The following ERBB4 variants were observed in gnomAD, a reference collection of about 807,000 sequenced individuals.
ERBB4 encodes the protein receptor tyrosine-protein kinase erbB-4.
Under a neutral mutation model 158.0 loss-of-function variants are expected in ERBB4, and 42 were observed. That is an observed-to-expected ratio of 0.27 (90% CI 0.21 to 0.34). The LOEUF is 0.34. Among genes scored for constraint, ERBB4 ranks in the 10% least tolerant of loss-of-function variants. The pLI is 1.00. For synonymous variants in ERBB4, 583 were observed against 558.7 expected (o/e 1.04, Z -0.61); for missense variants, 1,333 against 1,624.1 (o/e 0.82, Z 3.08).
chr2:211,816,124 C>T (rs1409697768), intron 3 of ERBB4, among the ~76,000 whole-genome samples: 1 of 152,162 alleles, frequency 6.6e-6, no homozygotes, highest in South Asian at 2.1e-4. Flanking sequence ...AGCCAATTCT[C>T]CCTAATAAAC....
intron 3 of ERBB4, among the ~76,000 whole-genome samples, chr2:211,906,129 T>C (rs1289091013): frequency 6.6e-6 from 1 of 151,964 alleles, no homozygotes. Context: ...AAATAGACTG[T>C]TGGAAGGCAA....
chr2:212,202,547 C>G (rs12469199), intron 1 of ERBB4, among the ~76,000 whole-genome samples: 7,955 of 151,910 alleles, frequency 0.052, 412 homozygotes, highest in South Asian at 0.21. Flanking sequence ...CGCCATGTTG[C>G]CCAAGCTGGT....
chr2:211,404,035 G>A (rs1027115231), intron 25 of ERBB4, among the ~76,000 whole-genome samples: 4 of 151,980 alleles, frequency 2.6e-5, no homozygotes, highest in Middle Eastern at 3.2e-3. Context: ...TAGTATTTAC[G>A]TAATTATGTA....
At chr2:211,853,208 G>T (rs1392930972) in intron 3 of ERBB4, among the ~76,000 whole-genome samples, 1 of 151,754 alleles carries the variant, frequency 6.6e-6, no homozygotes, top group Non-Finnish European at 1.5e-5. Flanking sequence ...GCATAATTGT[G>T]TGAAAGAGAC....
At chr2:212,432,740 A>T (rs898103018) in intron 1 of ERBB4, among the ~76,000 whole-genome samples, 8 of 152,134 alleles carry the variant, frequency 5.3e-5, no homozygotes, top group Non-Finnish European at 1.2e-4. Flanking sequence ...TTAATAACCC[A>T]CAGAAGTTGT....
intron 1 of ERBB4, among the ~76,000 whole-genome samples, chr2:212,161,473 T>A (rs1399839362): frequency 1.3e-5 from 2 of 151,878 alleles, no homozygotes; most frequent in Admixed American, 1.3e-4. Context: ...GATGCAGATA[T>A]AATGATTAAA....
intron 19 of ERBB4, among the ~76,000 whole-genome samples, chr2:211,570,195 A>T (rs2067673623): frequency 6.6e-6 from 1 of 152,058 alleles, no homozygotes; most frequent in Non-Finnish European, 1.5e-5. Context: ...TCTATTGCCC[A>T]GGCTAGAGTG....
At position 211,713,654 on chromosome 2, in the gene ERBB4, T is replaced by TAA. The variant is rs67894136; in HGVS notation, c.884-8_884-7dup. On this transcript the variant is annotated splice_polypyrimidine_tract_variant and splice_region_variant and intron_variant, in intron 7 of 27. Transcript: ENST00000342788. ...GGAATCTACCACAAAGTTATCTGAT[T>TAA]AAAAAAAAAAAAAAGGTAAAATAAG... is the stretch of plus-strand genomic sequence containing the variant. The TAA allele has an allele frequency of 2.7e-4, 335 of 1,246,148 alleles. No individual in the cohort carries two copies. The highest frequency in any genetic ancestry group is 3.2e-4 in the Non-Finnish European group (284 of 876,546). The allele number at this position is 1,246,148 out of a possible 1,614,324, so 77.2% of individuals were successfully genotyped here.
chr2:211,964,744 A>G (rs2125184306), intron 2 of ERBB4, among the ~76,000 whole-genome samples: 1 of 152,308 alleles, frequency 6.6e-6, no homozygotes, highest in Middle Eastern at 3.4e-3. Context: ...GTGTACAAAA[A>G]GATAGATAAA....
At chr2:212,252,090 T>C (rs183502892) in intron 1 of ERBB4, among the ~76,000 whole-genome samples, 2 of 152,006 alleles carry the variant, frequency 1.3e-5, no homozygotes. Context: ...AGGGCAGTGA[T>C]GAGAAAAGGT....
intron 3 of ERBB4, among the ~76,000 whole-genome samples, chr2:211,853,580 G>C (rs944373456): frequency 1.3e-5 from 2 of 152,014 alleles, no homozygotes; most frequent in Admixed American, 1.3e-4. Flanking sequence ...ACACACTCTT[G>C]AGTGATATGG....
In ERBB4 at chr2:212,446,576, C is replaced by A; in HGVS notation, c.82+91873G>T. On this transcript the variant is annotated intron_variant, in intron 1 of 27. Transcript: ENST00000342788. ...CATGTAAGTTAATACTTAATAAACT[C>A]CCATATATATATATGTATATATATA... 9.2e-5 allele frequency among the ~76,000 whole-genome samples: 4 copies of A among 43,498 alleles called. 1 individual carries two copies. Among genetic ancestry groups the A allele is most frequent in the African/African-American group, 2.7e-4 (4 of 14,920 alleles). 28.5% of individuals were successfully genotyped at this position (43,498 alleles called of 152,430 possible). A position where few individuals can be genotyped will look rare whatever the true frequency, so the allele number is the denominator to read the frequency against.
chr2:211,774,285 T>A (rs949299588), intron 4 of ERBB4, among the ~76,000 whole-genome samples: 2 of 152,076 alleles, frequency 1.3e-5, no homozygotes, highest in African/African-American at 4.8e-5. Context: ...TTGGCCAGGC[T>A]GGTTTTGAAC....
In ERBB4 at chr2:211,376,956, C is replaced by T. The variant is rs2062484968; in HGVS notation, c.*6659G>A. On this transcript the variant is annotated 3_prime_UTR_variant, in exon 28 of 28. Coordinates refer to ENST00000342788, the MANE Select transcript of ERBB4 (RefSeq NM_005235.3). ...CACAGCTGCTCCGTTTAATAATCGA[C>T]CCATTTAACAGCAGTACCAGTTTAT... is the stretch of plus-strand genomic sequence containing the variant. 4.3e-6 allele frequency: 1 copy of T among 233,186 alleles called. No homozygotes were observed. The highest frequency in any genetic ancestry group is 8.5e-6 in the Non-Finnish European group (1 of 117,720). 14.4% of individuals were successfully genotyped at this position (233,186 alleles called of 1,614,324 possible). A position where few individuals can be genotyped will look rare whatever the true frequency, so the allele number is the denominator to read the frequency against.
chr2:211,916,849 TTTC>T (rs1444987648), intron 3 of ERBB4, among the ~76,000 whole-genome samples: 3 of 152,186 alleles, frequency 2.0e-5, no homozygotes, highest in Non-Finnish European at 4.4e-5. Context: ...AAATACATAT[TTTC>T]TTCTTAAGAA....
intron 3 of ERBB4, among the ~76,000 whole-genome samples, chr2:211,878,225 C>T (rs2078563718): frequency 6.6e-6 from 1 of 152,164 alleles, no homozygotes; most frequent in South Asian, 2.1e-4. Context: ...AAACAGTTCT[C>T]ATTAGAGTCA....
chr2:211,938,602 T>C (rs1241552321), intron 3 of ERBB4, among the ~76,000 whole-genome samples: 1 of 152,176 alleles, frequency 6.6e-6, no homozygotes, highest in Non-Finnish European at 1.5e-5. Flanking sequence ...GTGGCACATA[T>C]TGAATATTGC....
intron 1 of ERBB4, among the ~76,000 whole-genome samples, chr2:212,454,122 G>C (rs1339354612): frequency 4.6e-5 from 7 of 151,636 alleles, no homozygotes; most frequent in Non-Finnish European, 1.5e-5. Context: ...TGTATTTTTA[G>C]TAGAGATGGG....
chr2:211,938,876 A>G (rs966093814), intron 3 of ERBB4, among the ~76,000 whole-genome samples: 1 of 152,162 alleles, frequency 6.6e-6, no homozygotes, highest in African/African-American at 2.4e-5. Flanking sequence ...AAAGAATCCT[A>G]AACTTTTACC....
Sources: gnomAD v4.1 joint callset for allele counts (sites outside exome capture counted in the v4.1 genomes callset) on GRCh38, gnomAD v4.1.1 for gene constraint, MANE v1.5 for transcripts, NCBI Gene and HGNC (gene_info 2026-07-23, HGNC 2026-07-21) for gene names.